The following CFAP97D2 variants were observed in gnomAD, a reference collection of about 807,000 sequenced individuals.
The protein encoded by CFAP97D2 is CFAP97 domain containing 2, also known as uncharacterized protein CFAP97D2.
rs1215053870 is a variant in CFAP97D2, at chr13:114,182,247, T to G, written c.90+2827T>G. ...CCTGGATGTGCACGTAGGCCAGATT[T>G]ATGTTTCTCTCCGCCCAAACATCTC... On this transcript the variant is annotated intron_variant, in intron 1 of 4. Transcript: ENST00000646158. Among the ~76,000 whole-genome samples, 14 of 151,340 alleles carry G rather than the reference T, an allele frequency of 9.3e-5. No individual in the cohort carries two copies. In the South Asian group the frequency reaches 1.1e-3, roughly 11 times the overall value.
chr13:114,201,497 T>C (rs1480055482), intron 3 of CFAP97D2, among the ~76,000 whole-genome samples: 1 of 152,216 alleles, frequency 6.6e-6, no homozygotes, highest in Admixed American at 6.5e-5. Context: ...CATGGTCCTG[T>C]GTGCTGGCTT....
At chr13:114,220,169 C>T (rs2081013885) in intron 4 of CFAP97D2, among the ~76,000 whole-genome samples, 1 of 152,124 alleles carries the variant, frequency 6.6e-6, no homozygotes, top group Non-Finnish European at 1.5e-5. Flanking sequence ...CCTCCTGGGC[C>T]CAGCGGCCAC....
chr13:114,182,427 T>G (rs1419284295), intron 1 of CFAP97D2, among the ~76,000 whole-genome samples: 2 of 151,968 alleles, frequency 1.3e-5, no homozygotes, highest in Non-Finnish European at 2.9e-5. Flanking sequence ...ACAGTGGCCT[T>G]CCTCTATCTC....
In CFAP97D2 at chr13:114,189,082, TTATAA is replaced by T. The variant is rs900220038; in HGVS notation, c.91-7308_91-7304del. Among the ~76,000 whole-genome samples the T allele has an allele frequency of 2.7e-5, 4 of 148,734 alleles. No homozygotes were observed. The highest frequency in any genetic ancestry group is 1.9e-4 in the East Asian group (1 of 5,148). ...TAATAATATAACTATAATAACTATGTTATAATATAACTATATTAGTAATAATATTA... is the reference window on the plus strand; with the variant it reads ...TAATAATATAACTATAATAACTATGTTATAACTATATTAGTAATAATATTA... On this transcript the variant is annotated intron_variant, in intron 1 of 4. Transcript: ENST00000646158. The surrounding 1 kb of genome is among the most constrained non-coding windows in gnomAD (Gnocchi z 4.5).
intron 1 of CFAP97D2, among the ~76,000 whole-genome samples, chr13:114,182,453 T>TA (rs970029972): frequency 2.0e-5 from 3 of 151,122 alleles, no homozygotes; most frequent in Non-Finnish European, 2.9e-5. Flanking sequence ...CAAGAGGCCT[T>TA]CCTCTTTTAC....
At position 114,203,804 on chromosome 13, in the gene CFAP97D2, G is replaced by T. The variant is rs191314183; in HGVS notation, c.290+3361G>T. 6.6e-6 allele frequency among the ~76,000 whole-genome samples: 1 copy of T among 152,156 alleles called. No individual in the cohort carries two copies. The highest frequency in any genetic ancestry group is 1.5e-5 in the Non-Finnish European group (1 of 68,036). On this transcript the variant is annotated intron_variant, in intron 3 of 4. Transcript: ENST00000646158. This position sits in a 1 kb window ranked among gnomAD's most constrained non-coding sequence, Gnocchi z 4.3. Reference sequence around the variant, plus strand: ...AGGCCCTGGGCAGGTTCCCTCATCTGCACAAAAGCATCTGGTGTAAACACT... The same window carrying T: ...AGGCCCTGGGCAGGTTCCCTCATCTTCACAAAAGCATCTGGTGTAAACACT...
At chr13:114,218,959 A>G (rs534482800) in intron 4 of CFAP97D2, among the ~76,000 whole-genome samples, 17 of 152,372 alleles carry the variant, frequency 1.1e-4, no homozygotes, top group Non-Finnish European at 2.1e-4. Context: ...TTCAGGACAT[A>G]GGCATGGGCA....
intron 1 of CFAP97D2, among the ~76,000 whole-genome samples, chr13:114,194,094 T>C (rs2138759173): frequency 6.6e-6 from 1 of 152,356 alleles, no homozygotes; most frequent in South Asian, 2.1e-4. Flanking sequence ...CCTAGTAAGT[T>C]TCTTGCCAGT....
intron 4 of CFAP97D2, among the ~76,000 whole-genome samples, chr13:114,221,138 T>G (rs1408525970): frequency 2.0e-5 from 3 of 152,152 alleles, no homozygotes; most frequent in Admixed American, 2.0e-4. Context: ...TCCCAGCTAC[T>G]CAGGAGGCTG....
chr13:114,194,884 A>G (rs1204691924), intron 1 of CFAP97D2, among the ~76,000 whole-genome samples: 2 of 152,202 alleles, frequency 1.3e-5, no homozygotes, highest in Admixed American at 1.3e-4. Flanking sequence ...AGCTTGAAGA[A>G]ACTTGCTTCT....
intron 4 of CFAP97D2, among the ~76,000 whole-genome samples, chr13:114,217,836 T>C (rs2081002528): frequency 6.6e-6 from 1 of 152,190 alleles, no homozygotes; most frequent in Admixed American, 6.5e-5. Context: ...CCCTTCATGC[T>C]AAAAACTCTC....
chr13:114,198,144 C>A (rs1429734547), intron 2 of CFAP97D2, among the ~76,000 whole-genome samples: 1 of 151,878 alleles, frequency 6.6e-6, no homozygotes, highest in Non-Finnish European at 1.5e-5. Context: ...CGCACCACCA[C>A]GCCCGGCTAA....
In CFAP97D2 at chr13:114,207,424, G is replaced by A. The variant is rs2080946011; in HGVS notation, c.291-4488G>A. 6.6e-6 allele frequency among the ~76,000 whole-genome samples: 1 copy of A among 152,154 alleles called. No individual in the cohort carries two copies. ...CCCTGAGTTTGTTTTCCTGCAACTA[G>A]ATGGTCCCATCTAGGGATCGTGTGG... On this transcript the variant is annotated intron_variant, in intron 3 of 4. Coordinates refer to ENST00000646158, the Ensembl canonical transcript of CFAP97D2. The surrounding 1 kb of genome is among the most constrained non-coding windows in gnomAD (Gnocchi z 4.9).
chr13:114,191,886 T>A (rs535767407), intron 1 of CFAP97D2, among the ~76,000 whole-genome samples: 2 of 152,222 alleles, frequency 1.3e-5, no homozygotes, highest in South Asian at 4.1e-4. Context: ...CAATGGAATA[T>A]CATTCAATTC....
chr13:114,206,401 C>T (rs1164607646), intron 3 of CFAP97D2, among the ~76,000 whole-genome samples: 1 of 152,174 alleles, frequency 6.6e-6, no homozygotes, highest in Non-Finnish European at 1.5e-5. Flanking sequence ...CCGCTCCTGG[C>T]CAGTAGCTTT....
rs976748616 is a variant in CFAP97D2, at chr13:114,188,276, A to G, written c.91-8120A>G. On this transcript the variant is annotated intron_variant, in intron 1 of 4. Transcript: ENST00000646158. ...GACAGAGTGAGACCCTGTCTCAAAA[A>G]AAAAAAAAAAAAATCACATAGGTCA... Among the ~76,000 whole-genome samples the G allele has an allele frequency of 2.0e-5, 3 of 151,564 alleles. No homozygotes were observed. The East Asian group carries it at 5.8e-4, about 29-fold the overall frequency.
intron 1 of CFAP97D2, among the ~76,000 whole-genome samples, chr13:114,194,820 G>A (rs2080880217): frequency 6.6e-6 from 1 of 152,218 alleles, no homozygotes; most frequent in African/African-American, 2.4e-5. Flanking sequence ...TCTGCCACCA[G>A]GCAAGCTAGT....
intron 1 of CFAP97D2, among the ~76,000 whole-genome samples, chr13:114,190,080 T>C (rs1465327556): frequency 1.3e-5 from 2 of 152,086 alleles, no homozygotes; most frequent in Non-Finnish European, 2.9e-5. Context: ...AGTTTGAGAT[T>C]ACAGTGAGCT....
chr13:114,213,675 A>C (rs112644942), intron 4 of CFAP97D2, among the ~76,000 whole-genome samples: 16,142 of 133,132 alleles, frequency 0.12, 1,148 homozygotes, highest in African/African-American at 0.22. Context: ...AAGCTCCAGG[A>C]CCATGAACCC....
Sources: allele counts gnomAD v4.1 joint callset (sites outside exome capture counted in the v4.1 genomes callset), GRCh38; gene constraint gnomAD v4.1.1; non-coding constraint Gnocchi (gnomAD v3.1); transcripts MANE v1.5; gene names NCBI Gene and HGNC (gene_info 2026-07-23, HGNC 2026-07-21).